Variants in FMN1 observed in about 807,000 individuals in gnomAD.
The protein encoded by FMN1 is formin 1, also known as formin-1.
In FMN1, 110 loss-of-function variants were observed where a neutral mutation model predicts 132.4. The observed-to-expected ratio is 0.83, with a 90% CI of 0.71 to 0.97. The LOEUF is 0.97. Among genes scored for constraint, FMN1 ranks in the 50% least tolerant of loss-of-function variants. The pLI is 0.00. For missense variants in FMN1, 1,792 were observed against 1,705.3 expected (o/e 1.05, Z -0.90); for synonymous variants, 722 against 651.7 (o/e 1.11, Z -1.64).
At chr15:33,067,175 TC>T in intron 5 of FMN1, 2 of 1,613,802 alleles carry the variant, frequency 1.2e-6, no homozygotes, top group Non-Finnish European at 1.7e-6. Flanking sequence ...GGACCCTTCT[TC>T]TCCCACCTGG....
chr15:33,044,359 C>T (rs980642455), intron 6 of FMN1, among the ~76,000 whole-genome samples: 2 of 152,226 alleles, frequency 1.3e-5, no homozygotes, highest in South Asian at 2.1e-4. Flanking sequence ...GGCTGCCAGT[C>T]CCACAGAGCA....
intron 4 of FMN1, among the ~76,000 whole-genome samples, chr15:33,136,586 C>A (rs17235722): frequency 6.6e-6 from 1 of 151,958 alleles, no homozygotes; most frequent in African/African-American, 2.4e-5. Context: ...AAGCAAGGAT[C>A]GTGGTAATGG....
chr15:32,989,508 A>G (rs1220523890), intron 7 of FMN1, among the ~76,000 whole-genome samples: 1 of 151,656 alleles, frequency 6.6e-6, no homozygotes, highest in African/African-American at 2.4e-5. Flanking sequence ...AGAGAAAACC[A>G]TAATAATTCC....
At chr15:32,817,727 TAA>T (rs1305361253) in intron 17 of FMN1, among the ~76,000 whole-genome samples, 2 of 152,250 alleles carry the variant, frequency 1.3e-5, no homozygotes, top group Non-Finnish European at 2.9e-5. Flanking sequence ...GCTTGGTTTT[TAA>T]AGTGACCACA....
At chr15:33,030,370 A>G (rs774855969) in intron 6 of FMN1, among the ~76,000 whole-genome samples, 3 of 152,234 alleles carry the variant, frequency 2.0e-5, no homozygotes, top group Non-Finnish European at 4.4e-5. Context: ...GGAAAAGTTC[A>G]TCTTGAAAGT....
intron 6 of FMN1, among the ~76,000 whole-genome samples, chr15:33,058,778 C>T (rs2037350133): frequency 6.6e-6 from 1 of 152,144 alleles, no homozygotes; most frequent in South Asian, 2.1e-4. Flanking sequence ...ATTGACAAAT[C>T]ATAGTTGTAT....
chr15:33,031,928 C>A (rs1442903009), intron 6 of FMN1, among the ~76,000 whole-genome samples: 1 of 152,060 alleles, frequency 6.6e-6, no homozygotes, highest in Non-Finnish European at 1.5e-5. Flanking sequence ...TACTTGTTTC[C>A]AAAATGTTTT....
intron 6 of FMN1, among the ~76,000 whole-genome samples, chr15:33,018,667 C>G (rs1031329324): frequency 2.6e-5 from 4 of 152,162 alleles, no homozygotes; most frequent in African/African-American, 9.7e-5. Context: ...TGTTCTTGGT[C>G]TCACTGACTT....
intron 4 of FMN1, among the ~76,000 whole-genome samples, chr15:33,103,791 A>C (rs1200897314): frequency 6.6e-6 from 1 of 152,098 alleles, no homozygotes; most frequent in Non-Finnish European, 1.5e-5. Flanking sequence ...CCTTGAATTT[A>C]TTTGGTCAAG....
intron 17 of FMN1, among the ~76,000 whole-genome samples, chr15:32,808,982 C>T (rs1051920976): frequency 2.6e-5 from 4 of 151,632 alleles, no homozygotes; most frequent in African/African-American, 9.7e-5. Flanking sequence ...AGGGTGGTTC[C>T]CTATGTCTGA....
At chr15:33,146,300 T>C (rs900609283) in intron 4 of FMN1, among the ~76,000 whole-genome samples, 1 of 152,180 alleles carries the variant, frequency 6.6e-6, no homozygotes, top group Non-Finnish European at 1.5e-5. Flanking sequence ...AAGCTCCTTC[T>C]TCCTCAAGTG....
chr15:33,098,138 C>T (rs1221896698), intron 4 of FMN1, among the ~76,000 whole-genome samples: 1 of 152,114 alleles, frequency 6.6e-6, no homozygotes, highest in East Asian at 1.9e-4. Context: ...AGACCATACA[C>T]TTCAAAATAA....
intron 6 of FMN1, among the ~76,000 whole-genome samples, chr15:33,014,598 G>C (rs776836321): frequency 5.3e-5 from 8 of 152,138 alleles, no homozygotes; most frequent in African/African-American, 7.2e-5. Context: ...GAAAGACAGA[G>C]AAAGGAGTAA....
chr15:32,899,862 ATGT>A (rs1372070965), intron 14 of FMN1, 114 bp downstream of exon 14: 18 of 1,000,586 alleles, frequency 1.8e-5, no homozygotes, highest in Non-Finnish European at 2.5e-5. Context: ...TCTAATATAA[ATGT>A]TGTTAAGGGG....
intron 2 of FMN1, among the ~76,000 whole-genome samples, chr15:33,186,812 G>A (rs1965903878): frequency 6.6e-6 from 1 of 152,232 alleles, no homozygotes; most frequent in Non-Finnish European, 1.5e-5. Flanking sequence ...CCAAGAGTTG[G>A]AAGAAGAGAA....
intron 8 of FMN1, among the ~76,000 whole-genome samples, chr15:32,968,065 A>G (rs2031410753): frequency 6.6e-6 from 1 of 152,220 alleles, no homozygotes; most frequent in Non-Finnish European, 1.5e-5. Flanking sequence ...AACAATCTAT[A>G]CAAATGGAAG....
chr15:32,802,461 A>C (rs1417618862), intron 18 of FMN1, among the ~76,000 whole-genome samples: 1 of 152,198 alleles, frequency 6.6e-6, no homozygotes, highest in Non-Finnish European at 1.5e-5. Context: ...ATCTCACACA[A>C]ATATTGCAAC....
intron 4 of FMN1, among the ~76,000 whole-genome samples, chr15:33,115,498 C>CA (rs1555402880): frequency 1.3e-4 from 19 of 144,558 alleles, no homozygotes; most frequent in East Asian, 1.2e-3. Flanking sequence ...TAAGCCCCCC[C>CA]CCCCCACACA....
At position 33,122,054 on chromosome 15, in the gene FMN1, C is replaced by G. The variant is rs993354123; in HGVS notation, c.1867+30994G>C. 4.6e-5 allele frequency among the ~76,000 whole-genome samples: 7 copies of G among 152,060 alleles called. 1 individual carries two copies. In the East Asian group the frequency reaches 9.6e-4, roughly 21 times the overall value. On this transcript the variant is annotated intron_variant, in intron 4 of 20. Coordinates refer to ENST00000616417, the MANE Select transcript of FMN1 (RefSeq NM_001277313.2). ...AGCACAATACAGTCAGGCCAATAGA[C>G]AAAGAACAGACAAATAAAGAATACT...
Sources: allele counts gnomAD v4.1 joint callset (sites outside exome capture counted in the v4.1 genomes callset), GRCh38; gene constraint gnomAD v4.1.1; transcripts MANE v1.5; gene names NCBI Gene and HGNC (gene_info 2026-07-23, HGNC 2026-07-21).